The following WDR7 variants were observed in gnomAD, a reference collection of about 807,000 sequenced individuals.
WDR7 encodes the protein WD repeat-containing protein 7.
WDR7 carries 46 observed loss-of-function variants against 169.4 expected under a neutral mutation model. The observed-to-expected ratio is 0.27, with a 90% CI of 0.21 to 0.35. The LOEUF is 0.35. Among genes scored for constraint, WDR7 ranks in the 10% least tolerant of loss-of-function variants. The pLI is 1.00. For missense variants in WDR7, 1,534 were observed against 1,859.3 expected, an observed-to-expected ratio of 0.83 and a Z score of 3.22; for synonymous variants, 612 against 666.8, an observed-to-expected ratio of 0.92 and a Z score of 1.27.
At chr18:56,903,268 T>C (rs1316227354) in intron 21 of WDR7, among the ~76,000 whole-genome samples, 1 of 152,164 alleles carries the variant, frequency 6.6e-6, no homozygotes, top group Non-Finnish European at 1.5e-5. Flanking sequence ...TGAATGAAGT[T>C]GTAATTAGTT....
chr18:56,961,323 T>C lies in WDR7; in HGVS notation c.4065-1107T>C, dbSNP rs144913711. Among the ~76,000 whole-genome samples the C allele has an allele frequency of 6.8e-3, 1,035 of 152,192 alleles. 11 individuals carry two copies. Among genetic ancestry groups the C allele is most frequent in the African/African-American group, 0.024 (986 of 41,538 alleles). On this transcript the variant is annotated intron_variant, in intron 25 of 27. Transcript: ENST00000254442. Reference sequence around the variant, plus strand: ...GCATTAGAGAAATGAGATTTTTTTTTCTGTCATGTTTTGCCTCTTCCTCCC... The same window carrying C: ...GCATTAGAGAAATGAGATTTTTTTTCCTGTCATGTTTTGCCTCTTCCTCCC...
chr18:56,936,021 G>A, intron 23 of WDR7, 116 bp downstream of exon 23: 1 of 982,908 alleles, frequency 1.0e-6, no homozygotes, highest in Non-Finnish European at 1.5e-6. Flanking sequence ...AACAATGCAA[G>A]TTAATAATTT....
At chr18:56,886,419 GA>G (rs1309032702) in intron 21 of WDR7, among the ~76,000 whole-genome samples, 5 of 152,126 alleles carry the variant, frequency 3.3e-5, no homozygotes, top group Non-Finnish European at 7.4e-5. Flanking sequence ...GTCTTTTTCA[GA>G]CAAACAAATG....
At chr18:56,683,603 A>G (rs748324561) in intron 5 of WDR7, among the ~76,000 whole-genome samples, 3 of 152,210 alleles carry the variant, frequency 2.0e-5, no homozygotes, top group Non-Finnish European at 1.5e-5. Flanking sequence ...ACCAAGCACC[A>G]TGCTAAGCAT....
At chr18:56,913,475 TA>T (rs752238290) in intron 21 of WDR7, among the ~76,000 whole-genome samples, 1 of 151,040 alleles carries the variant, frequency 6.6e-6, no homozygotes, top group Non-Finnish European at 1.5e-5. Flanking sequence ...ACTCTATCTT[TA>T]AAAAAAAATG....
chr18:56,957,982 C>A (rs910101561), intron 25 of WDR7, among the ~76,000 whole-genome samples: 2 of 152,060 alleles, frequency 1.3e-5, no homozygotes, highest in Non-Finnish European at 2.9e-5. Context: ...TTTTCTATTT[C>A]TTTTTTCAAA....
chr18:56,785,129 G>C (rs1177464080), intron 19 of WDR7, among the ~76,000 whole-genome samples: 1 of 152,132 alleles, frequency 6.6e-6, no homozygotes, highest in Non-Finnish European at 1.5e-5. Context: ...GGAGAAGAAA[G>C]CTTACAACAA....
At position 56,683,209 on chromosome 18, in the gene WDR7, G is replaced by A. The variant is rs528511888; in HGVS notation, c.520+356G>A. Among the ~76,000 whole-genome samples the A allele has an allele frequency of 1.1e-4, 17 of 152,246 alleles. No homozygotes were observed. In the South Asian group the frequency reaches 3.5e-3, roughly 32 times the overall value. On this transcript the variant is annotated intron_variant, in intron 5 of 27. Transcript: ENST00000254442. ...TTTCTGGGGCCTGGTTCTGTCACTT[G>A]CTTAAGAGGCATAGGGAATGTTTCC...
chr18:56,769,219 C>G (rs74643473), intron 16 of WDR7, among the ~76,000 whole-genome samples: 2 of 142,702 alleles, frequency 1.4e-5, no homozygotes, highest in Non-Finnish European at 3.1e-5. Context: ...GGCTTTTCTG[C>G]TTTTTTTTTT....
At chr18:56,892,893 G>A (rs1047775433) in intron 21 of WDR7, among the ~76,000 whole-genome samples, 4 of 152,032 alleles carry the variant, frequency 2.6e-5, no homozygotes, top group Admixed American at 2.0e-4. Context: ...GACAGGGTCT[G>A]TAATGCAAGT....
At chr18:56,726,696 C>G (rs2026464575) in intron 13 of WDR7, among the ~76,000 whole-genome samples, 1 of 152,000 alleles carries the variant, frequency 6.6e-6, no homozygotes. Flanking sequence ...ACAGTTTGAT[C>G]CTTTTGGGTC....
At chr18:56,722,638 C>A (rs1453155174) in intron 13 of WDR7, among the ~76,000 whole-genome samples, 1 of 152,062 alleles carries the variant, frequency 6.6e-6, no homozygotes, top group Non-Finnish European at 1.5e-5. Context: ...TAATGATTGA[C>A]TTTATGAAAT....
intron 22 of WDR7, among the ~76,000 whole-genome samples, chr18:56,928,414 G>T (rs1051556042): frequency 6.6e-6 from 1 of 152,164 alleles, no homozygotes; most frequent in Non-Finnish European, 1.5e-5. Context: ...GCACTAAGTG[G>T]TGATTGGACC....
chr18:56,707,422 TTTTG>T (rs2025984108), intron 12 of WDR7, among the ~76,000 whole-genome samples: 1 of 151,504 alleles, frequency 6.6e-6, no homozygotes, highest in Admixed American at 6.6e-5. Context: ...TAACTTTGCG[TTTTG>T]TTTTTTTTTT....
At chr18:56,771,743 GT>G (rs1281099373) in intron 16 of WDR7, among the ~76,000 whole-genome samples, 2 of 151,892 alleles carry the variant, frequency 1.3e-5, no homozygotes, top group African/African-American at 4.8e-5. Flanking sequence ...TTAGCCAGGT[GT>G]GGTGGTGCGC....
chr18:56,675,167 C>G (rs560539489), intron 2 of WDR7, among the ~76,000 whole-genome samples: 19 of 152,174 alleles, frequency 1.2e-4, no homozygotes, highest in Middle Eastern at 3.4e-3. Context: ...TCCAGTATTG[C>G]TCTTCTTTTT....
intron 16 of WDR7, among the ~76,000 whole-genome samples, chr18:56,761,312 T>TA (rs2043977788): frequency 6.6e-6 from 1 of 152,208 alleles, no homozygotes; most frequent in African/African-American, 2.4e-5. Context: ...ATCTGGCCAA[T>TA]AAAATTTCTT....
At chr18:56,655,530 G>A (rs548014918) in intron 1 of WDR7, among the ~76,000 whole-genome samples, 1 of 150,672 alleles carries the variant, frequency 6.6e-6, no homozygotes, top group Non-Finnish European at 1.5e-5. Flanking sequence ...TGAGGTGGGA[G>A]GATCACCTAA....
At chr18:57,017,997 TACTTTTACAAAAAGCTA>T (rs1026605405) in intron 26 of WDR7, among the ~76,000 whole-genome samples, 2 of 152,254 alleles carry the variant, frequency 1.3e-5, no homozygotes, top group Admixed American at 1.3e-4. Context: ...TCTGTTTTAC[TACTTTTACAAAAAGCTA>T]ACTTGCTAGC....
Sources: gnomAD v4.1 joint callset for allele counts (sites outside exome capture counted in the v4.1 genomes callset) on GRCh38, gnomAD v4.1.1 for gene constraint, MANE v1.5 for transcripts, NCBI Gene and HGNC (gene_info 2026-07-23, HGNC 2026-07-21) for gene names.